The following SVEP1 variants were observed in gnomAD, a reference collection of about 807,000 sequenced individuals.
SVEP1 encodes the protein sushi, von Willebrand factor type A, EGF and pentraxin domain-containing protein 1.
In SVEP1, 164 loss-of-function variants were observed where a neutral mutation model predicts 367.3. The observed-to-expected ratio is 0.45, with a 90% CI of 0.39 to 0.51. The LOEUF is 0.51. Among genes scored for constraint, SVEP1 ranks in the 20% least tolerant of loss-of-function variants. The probability of loss-of-function intolerance (pLI) is 0.00; values close to 1 mark genes in which losing one functional copy is unlikely to be tolerated. For missense variants in SVEP1, 4,117 were observed against 4,425.3 expected, an observed-to-expected ratio of 0.93 and a Z score of 1.98; for synonymous variants, 1,666 against 1,611.6, an observed-to-expected ratio of 1.03 and a Z score of -0.81.
intron 1 of SVEP1, 89 bp downstream of exon 1, chr9:110,578,924 G>A: frequency 6.9e-7 from 1 of 1,443,742 alleles, no homozygotes; most frequent in Non-Finnish European, 9.3e-7. Flanking sequence ...CCTTGCCCAG[G>A]ACTGAACCCC....
At chr9:110,537,156 C>T (rs1364776018) in intron 3 of SVEP1, among the ~76,000 whole-genome samples, 5 of 151,830 alleles carry the variant, frequency 3.3e-5, no homozygotes, top group African/African-American at 1.2e-4. Context: ...AGGAGGAACT[C>T]CAAGAATTGA....
chr9:110,406,062 A>G, intron 38 of SVEP1, 98 bp downstream of exon 38: 1 of 1,459,752 alleles, frequency 6.9e-7, no homozygotes. Context: ...CAGTTCAGAG[A>G]TGATGTTTTC....
chr9:110,375,267 TCA>T, intron 46 of SVEP1, 99 bp downstream of exon 46: 1 of 1,049,264 alleles, frequency 9.5e-7, no homozygotes, highest in Non-Finnish European at 1.4e-6. Flanking sequence ...CAGTACTTTT[TCA>T]TTTTGCCACC....
In SVEP1 at chr9:110,502,916, A is replaced by T. The variant is rs977047533; in HGVS notation, c.1483+122T>A. On this transcript the variant is annotated intron_variant, in intron 6 of 47. Transcript: ENST00000374469. ...GTATCTGTAACACCTGCACCTGTAC[A>T]TGTGGATATGTATTTATACTCATTA... is the stretch of plus-strand genomic sequence containing the variant. 6.0e-6 allele frequency: 6 copies of T among 992,004 alleles called. No individual in the cohort carries two copies. In the African/African-American group the frequency reaches 6.5e-5, roughly 11 times the overall value. The allele number at this position is 992,004 out of a possible 1,614,324, so 61.5% of individuals were successfully genotyped here.
At chr9:110,491,988 G>A (rs1554719209) in intron 8 of SVEP1, among the ~76,000 whole-genome samples, 1 of 151,028 alleles carries the variant, frequency 6.6e-6, no homozygotes, top group Admixed American at 6.6e-5. Flanking sequence ...ACAGCACTCA[G>A]GAAGAAAAAA....
rs766736955 is a variant in SVEP1, at chr9:110,366,529, C to T, written c.*10G>A. On this transcript the variant is annotated 3_prime_UTR_variant, in exon 48 of 48. Transcript: ENST00000374469. ...CCTGCTTTTGGGAGAGCCAGATGGTCGTGCAGTGGTTAAAACCCAGTCCTC... is the reference window on the plus strand; with the variant it reads ...CCTGCTTTTGGGAGAGCCAGATGGTTGTGCAGTGGTTAAAACCCAGTCCTC... 68 of 1,553,292 alleles carry T rather than the reference C, an allele frequency of 4.4e-5. No homozygotes were observed. Among genetic ancestry groups the T allele is most frequent in the Non-Finnish European group, 5.6e-5 (65 of 1,152,280 alleles).
At chr9:110,395,711 T>A (rs1827747650) in intron 40 of SVEP1, among the ~76,000 whole-genome samples, 1 of 150,734 alleles carries the variant, frequency 6.6e-6, no homozygotes, top group African/African-American at 2.4e-5. Flanking sequence ...TCCTAGTCTC[T>A]GATAAAACAG....
chr9:110,429,493 A>G (rs1828316861), intron 34 of SVEP1, among the ~76,000 whole-genome samples, 159 bp from the exon 35 acceptor site: 1 of 151,242 alleles, frequency 6.6e-6, no homozygotes. Context: ...TTTTTTTTTC[A>G]AGATTGAATA....
chr9:110,459,169 A>G (rs1828820705), intron 18 of SVEP1, 56 bp from the exon 19 acceptor site: 2 of 1,538,774 alleles, frequency 1.3e-6, no homozygotes. Flanking sequence ...CCTACATTTG[A>G]AAGAAGTGAT....
intron 30 of SVEP1, among the ~76,000 whole-genome samples, chr9:110,433,234 G>C (rs1236274604): frequency 6.6e-6 from 1 of 151,954 alleles, no homozygotes; most frequent in Non-Finnish European, 1.5e-5. Flanking sequence ...CCTAGTCTCA[G>C]GTATTTCTTT....
intron 22 of SVEP1, among the ~76,000 whole-genome samples, chr9:110,454,180 C>G (rs370894611): frequency 6.6e-6 from 1 of 152,098 alleles, no homozygotes; most frequent in African/African-American, 2.4e-5. Context: ...TCCATTGATG[C>G]TTTCTTTTGC....
chr9:110,494,792 CTT>C (rs58175581), intron 8 of SVEP1, among the ~76,000 whole-genome samples: 1 of 150,942 alleles, frequency 6.6e-6, no homozygotes, highest in Non-Finnish European at 1.5e-5. Context: ...CCTTCTCTGT[CTT>C]TTTTTTTTCT....
chr9:110,404,655 G>C, intron 38 of SVEP1, 103 bp from the exon 39 acceptor site: 2 of 1,056,082 alleles, frequency 1.9e-6, no homozygotes, highest in Non-Finnish European at 2.9e-6. Context: ...TAGATATTTT[G>C]TGCAACATAT....
intron 5 of SVEP1, among the ~76,000 whole-genome samples, chr9:110,504,308 C>T (rs1829590048): frequency 6.6e-6 from 1 of 152,006 alleles, no homozygotes; most frequent in African/African-American, 2.4e-5. Context: ...GATCCGCCAG[C>T]CTCGGCCTCC....
At chr9:110,376,479 C>T (rs1385201411) in intron 45 of SVEP1, among the ~76,000 whole-genome samples, 1 of 152,086 alleles carries the variant, frequency 6.6e-6, no homozygotes, top group African/African-American at 2.4e-5. Context: ...TTGTTAGCAG[C>T]CTAAATTTAT....
chr9:110,536,158 T>C (rs1448176061), intron 3 of SVEP1, among the ~76,000 whole-genome samples: 3 of 152,186 alleles, frequency 2.0e-5, no homozygotes, highest in African/African-American at 4.8e-5. Flanking sequence ...GTTTTTAACA[T>C]AAAGGAATGT....
chr9:110,393,306 C>G (rs1039324247), intron 40 of SVEP1, among the ~76,000 whole-genome samples: 10 of 152,082 alleles, frequency 6.6e-5, no homozygotes, highest in Non-Finnish European at 1.2e-4. Flanking sequence ...AAGCCTGGTC[C>G]CAGACTGCAT....
rs1455551149 is a variant in SVEP1, at chr9:110,489,765, A to T, written c.1815T>A (p.Val605=). The change falls in exon 9 of 48, where the codon GTT becomes GTA. Residue 605 remains valine (V), a synonymous_variant. Transcript: ENST00000374469. ...DNSGEKVSVH[V]HPAFTPPYLF... is the part of the protein sequence containing the mutation. Reference sequence around the variant, plus strand: ...GGTAAGGTGGGGTGAAAGCTGGATGAACGTGGACTGACACCTATTGGAGAT... The same window carrying T: ...GGTAAGGTGGGGTGAAAGCTGGATGTACGTGGACTGACACCTATTGGAGAT... 1 of 1,613,020 alleles carries T rather than the reference A, an allele frequency of 6.2e-7. No individual in the cohort carries two copies. The highest frequency in any genetic ancestry group is 8.5e-7 in the Non-Finnish European group (1 of 1,179,346).
intron 42 of SVEP1, 72 bp downstream of exon 42, chr9:110,387,213 A>G: frequency 6.8e-7 from 1 of 1,460,070 alleles, no homozygotes; most frequent in Non-Finnish European, 9.1e-7. Flanking sequence ...AGCTTCCTCT[A>G]TGTTTTGGAT....
Sources: allele counts gnomAD v4.1 joint callset (sites outside exome capture counted in the v4.1 genomes callset), GRCh38; gene constraint gnomAD v4.1.1; transcripts MANE v1.5; gene names NCBI Gene and HGNC (gene_info 2026-07-23, HGNC 2026-07-21).